RALGAPB: variants seen among roughly 807,000 people sequenced by gnomAD.
RALGAPB encodes ral GTPase-activating protein subunit beta.
Under a neutral mutation model 161.1 loss-of-function variants are expected in RALGAPB, and 25 were observed. The observed-to-expected ratio is 0.16, with a 90% confidence interval of 0.11 to 0.22. The LOEUF (loss-of-function observed/expected upper bound fraction) is 0.22, where lower values mean the gene tolerates loss of function less well. RALGAPB is among the 10% of genes least tolerant of loss of function. RALGAPB has a pLI of 1.00. For missense variants in RALGAPB, 1,391 were observed against 1,815.2 expected, an observed-to-expected ratio of 0.77 and a Z score of 4.25; for synonymous variants, 629 against 626.1, an observed-to-expected ratio of 1.00 and a Z score of -0.07.
intron 12 of RALGAPB, 136 bp downstream of exon 12, chr20:38,525,654 G>A (rs111626872): frequency 9.4e-6 from 8 of 852,424 alleles, no homozygotes; most frequent in African/African-American, 5.3e-5. Flanking sequence ...TATTTCAAGT[G>A]AATTAACAAA....
chr20:38,504,558 G>T (rs2085694732), intron 5 of RALGAPB, among the ~76,000 whole-genome samples: 1 of 152,112 alleles, frequency 6.6e-6, no homozygotes, highest in South Asian at 2.1e-4. Context: ...AAAAGTAATT[G>T]CAACAAAAAC....
chr20:38,513,593 G>C (rs1406782438), intron 6 of RALGAPB, among the ~76,000 whole-genome samples: 2 of 150,084 alleles, frequency 1.3e-5, no homozygotes, highest in African/African-American at 4.9e-5. Context: ...GAGTTGCAGT[G>C]AGCCAAGATC....
Position 38,539,823 on chromosome 20 carries a change from T to G in RALGAPB, c.2427T>G (p.Ser809=). 6.2e-7 allele frequency: 1 copy of G among 1,614,104 alleles called. No individual in the cohort carries two copies. Among genetic ancestry groups the G allele is most frequent in the Non-Finnish European group, 8.5e-7 (1 of 1,179,976 alleles). ...GAGACCGGAAGCGAGCCATCAGTTC[T>G]GTGTGCACCTACATTGTTTATCAGT... is the stretch of plus-strand genomic sequence containing the variant. ...DSGDRKRAIS[S]VCTYIVYQCS... The change falls in exon 17 of 30, where the codon TCT becomes TCG. Residue 809 remains serine, a synonymous_variant. Transcript: ENST00000262879.
intron 5 of RALGAPB, among the ~76,000 whole-genome samples, chr20:38,501,130 T>A (rs1409421137): frequency 6.6e-6 from 1 of 152,162 alleles, no homozygotes; most frequent in East Asian, 1.9e-4. Context: ...AACAACAGAT[T>A]TTCAGTGTGC....
chr20:38,484,097 TG>T (rs1295301542), intron 1 of RALGAPB, among the ~76,000 whole-genome samples: 1 of 152,098 alleles, frequency 6.6e-6, no homozygotes, highest in Non-Finnish European at 1.5e-5. Context: ...GAGAATTGCT[TG>T]AACCCAGGAG....
intron 1 of RALGAPB, among the ~76,000 whole-genome samples, chr20:38,486,419 A>G (rs541007998): frequency 5.8e-4 from 88 of 152,330 alleles, no homozygotes; most frequent in Admixed American, 4.3e-3. Flanking sequence ...TATTAAACCT[A>G]TTTTGATTGG....
chr20:38,529,494 G>C (rs1181814112), intron 13 of RALGAPB, among the ~76,000 whole-genome samples: 1 of 150,730 alleles, frequency 6.6e-6, no homozygotes, highest in Non-Finnish European at 1.5e-5. Flanking sequence ...TGCAGCCTGG[G>C]CAATAAGAGC....
intron 18 of RALGAPB, 46 bp from the exon 19 acceptor site, chr20:38,546,195 GAA>G (rs1283801434): frequency 1.2e-6 from 2 of 1,610,190 alleles, no homozygotes; most frequent in South Asian, 2.2e-5. Flanking sequence ...AAGGTAAACT[GAA>G]GATTTTGCTT....
At chr20:38,477,204 T>A (rs1171305689) in intron 1 of RALGAPB, among the ~76,000 whole-genome samples, 1 of 152,194 alleles carries the variant, frequency 6.6e-6, no homozygotes, top group Non-Finnish European at 1.5e-5. Flanking sequence ...GGAAGTGATG[T>A]TTGACTCAAA....
At position 38,565,619 on chromosome 20, in the gene RALGAPB, A is replaced by C; in HGVS notation, c.3817+141A>C. The C allele has an allele frequency of 3.9e-6, 4 of 1,014,150 alleles. No homozygotes were observed. The South Asian group carries it at 1.0e-4, about 26-fold the overall frequency. The allele number at this position is 1,014,150 out of a possible 1,614,324, so 62.8% of individuals were successfully genotyped here. A position where few individuals can be genotyped will look rare whatever the true frequency, so the allele number is the denominator to read the frequency against. ...AGGCATTATAACAATATGCAGAAGC[A>C]CAAGATGTCTTCTCTTAACTTTTTT... On this transcript the variant is annotated intron_variant, in intron 25 of 29. Coordinates refer to ENST00000262879, the MANE Select transcript of RALGAPB (RefSeq NM_020336.4).
At chr20:38,550,282 CTT>C (rs2087331145) in intron 20 of RALGAPB, among the ~76,000 whole-genome samples, 1 of 152,110 alleles carries the variant, frequency 6.6e-6, no homozygotes, top group Non-Finnish European at 1.5e-5. Context: ...TACCCTAAAA[CTT>C]AAAGTATCAT....
chr20:38,546,143 C>T (rs927569868), intron 18 of RALGAPB, 100 bp from the exon 19 acceptor site: 14 of 1,568,348 alleles, frequency 8.9e-6, no homozygotes, highest in Non-Finnish European at 1.2e-5. Flanking sequence ...TGGCTGTGGT[C>T]AATTAAAATT....
chr20:38,488,332 C>T (rs1484391327), intron 1 of RALGAPB, 71 bp from the exon 2 acceptor site: 5 of 981,624 alleles, frequency 5.1e-6, no homozygotes, highest in African/African-American at 1.6e-5. Context: ...ATAGTCTATA[C>T]ATCTGTTTTA....
chr20:38,565,342 T>C lies in RALGAPB; in HGVS notation c.3698-17T>C, dbSNP rs750762313. 3 of 1,612,588 alleles carry C rather than the reference T, an allele frequency of 1.9e-6. No homozygotes were observed. The highest frequency in any genetic ancestry group is 1.7e-4 in the Middle Eastern group (1 of 6,048). ...TACTTTTTGAAGCGGTAATGTAGTGTTTCTTTTTCCCAGAAGAAGTGATTT... is the reference window on the plus strand; with the variant it reads ...TACTTTTTGAAGCGGTAATGTAGTGCTTCTTTTTCCCAGAAGAAGTGATTT... On this transcript the variant is annotated splice_polypyrimidine_tract_variant and intron_variant, in intron 24 of 29. Transcript: ENST00000262879.
chr20:38,575,153 G>A lies in RALGAPB; in HGVS notation c.*186G>A. 1.7e-6 allele frequency: 1 copy of A among 576,036 alleles called. No homozygotes were observed. Among genetic ancestry groups the A allele is most frequent in the Non-Finnish European group, 3.1e-6 (1 of 327,838 alleles). 35.7% of individuals were successfully genotyped at this position (576,036 alleles called of 1,614,324 possible). ...GACTTTGGGCTATCTAGTGAAATGGGCTCCCAGACACAATCACACTCCTGC... is the reference window on the plus strand; with the variant it reads ...GACTTTGGGCTATCTAGTGAAATGGACTCCCAGACACAATCACACTCCTGC... On this transcript the variant is annotated 3_prime_UTR_variant, in exon 30 of 30. Coordinates refer to ENST00000262879, the MANE Select transcript of RALGAPB (RefSeq NM_020336.4).
At chr20:38,521,404 T>C in intron 9 of RALGAPB, 93 bp from the exon 10 acceptor site, 1 of 1,548,720 alleles carries the variant, frequency 6.5e-7, no homozygotes, top group South Asian at 1.3e-5. Flanking sequence ...AGTAGCTATT[T>C]AATGACACCA....
intron 1 of RALGAPB, among the ~76,000 whole-genome samples, chr20:38,477,852 G>A (rs2084853383): frequency 2.6e-5 from 4 of 152,130 alleles, no homozygotes; most frequent in South Asian, 4.1e-4. Context: ...CACCGAGTGC[G>A]GTGGCTGACT....
intron 29 of RALGAPB, 108 bp from the exon 30 acceptor site, chr20:38,574,666 G>T: frequency 8.7e-7 from 1 of 1,144,548 alleles, no homozygotes; most frequent in East Asian, 2.4e-5. Flanking sequence ...TTTGCAAATT[G>T]AATGAAATAG....
At chr20:38,528,704 G>A (rs181504887) in intron 13 of RALGAPB, among the ~76,000 whole-genome samples, 1 of 151,074 alleles carries the variant, frequency 6.6e-6, no homozygotes, top group East Asian at 1.9e-4. Flanking sequence ...TTTTTGAGAT[G>A]GAGTCTCGCT....
Sources: allele counts gnomAD v4.1 joint callset (sites outside exome capture counted in the v4.1 genomes callset), GRCh38; gene constraint gnomAD v4.1.1; transcripts MANE v1.5; gene names NCBI Gene and HGNC (gene_info 2026-07-23, HGNC 2026-07-21).